Variants in EGFR observed in about 807,000 individuals in gnomAD.
The protein encoded by EGFR is avian erythroblastic leukemia viral (v-erb-b) oncogene homolog.
EGFR carries 58 observed loss-of-function variants against 143.0 expected under a neutral mutation model. The ratio of observed to expected loss-of-function variants is 0.41; its 90% CI spans 0.33 to 0.50. EGFR has a LOEUF of 0.50. Among genes scored for constraint, EGFR ranks in the 20% least tolerant of loss-of-function variants. The pLI, the probability that EGFR is intolerant of heterozygous loss-of-function variation, is 0.39. For missense variants in EGFR, 1,307 were observed against 1,579.0 expected, an observed-to-expected ratio of 0.83 and a Z score of 2.92; for synonymous variants, 613 against 594.4, an observed-to-expected ratio of 1.03 and a Z score of -0.45.
intron 1 of EGFR, among the ~76,000 whole-genome samples, chr7:55,094,771 A>G (rs940037436): frequency 1.1e-4 from 17 of 152,256 alleles, no homozygotes; most frequent in Non-Finnish European, 2.2e-4. Context: ...CTTAATTGAT[A>G]TGGGATTACA....
At chr7:55,077,609 C>G (rs1422704112) in intron 1 of EGFR, among the ~76,000 whole-genome samples, 1 of 152,134 alleles carries the variant, frequency 6.6e-6, no homozygotes, top group Non-Finnish European at 1.5e-5. Context: ...TGTTTACTTC[C>G]AAGTGGAACT....
chr7:55,141,791 T>C (rs1794473970), intron 1 of EGFR, among the ~76,000 whole-genome samples: 1 of 152,192 alleles, frequency 6.6e-6, no homozygotes, highest in Non-Finnish European at 1.5e-5. Flanking sequence ...TCACAATATT[T>C]TTGAGAAGTA....
At chr7:55,048,445 G>C (rs1788302333) in intron 1 of EGFR, among the ~76,000 whole-genome samples, 1 of 152,228 alleles carries the variant, frequency 6.6e-6, no homozygotes, top group South Asian at 2.1e-4. Context: ...TTTACCCTTA[G>C]AGATGCATAC....
chr7:55,073,233 G>A (rs1789936083), intron 1 of EGFR, among the ~76,000 whole-genome samples: 1 of 152,250 alleles, frequency 6.6e-6, no homozygotes, highest in Non-Finnish European at 1.5e-5. Flanking sequence ...ATTGCAGACA[G>A]CATAGTGCAA....
chr7:55,146,571 G>T (rs2128929336), intron 3 of EGFR, 35 bp from the exon 4 acceptor site: 1 of 1,613,554 alleles, frequency 6.2e-7, no homozygotes, highest in Non-Finnish European at 8.5e-7. Context: ...AAAGGAGCTG[G>T]AAAGAGTGCT....
intron 1 of EGFR, among the ~76,000 whole-genome samples, chr7:55,128,277 A>G (rs1276006681): frequency 6.6e-6 from 1 of 152,230 alleles, no homozygotes; most frequent in Non-Finnish European, 1.5e-5. Context: ...ATTGTCCCCA[A>G]GGAGGAGAAA....
chr7:55,067,849 C>T lies in EGFR; in HGVS notation c.88+48484C>T, dbSNP rs1007636180. On this transcript the variant is annotated intron_variant, in intron 1 of 27. Transcript: ENST00000275493. ...ATGTGTGTGTATGTGTGCACGTGTG[C>T]GCCTGTGTGTGTCTGTGTGTCTCTG... Among the ~76,000 whole-genome samples the T allele has an allele frequency of 6.0e-5, 9 of 150,766 alleles. No homozygotes were observed. In the East Asian group the frequency reaches 7.8e-4, roughly 13 times the overall value.
intron 1 of EGFR, among the ~76,000 whole-genome samples, chr7:55,039,023 G>A (rs1195037147): frequency 6.6e-6 from 1 of 151,818 alleles, no homozygotes; most frequent in African/African-American, 2.4e-5. Flanking sequence ...AGAGGTGGAA[G>A]TCTGTGGATG....
chr7:55,171,777 G>A (rs912380859), intron 16 of EGFR, among the ~76,000 whole-genome samples: 2 of 152,168 alleles, frequency 1.3e-5, no homozygotes, highest in African/African-American at 4.8e-5. Flanking sequence ...AGGAAAGAGT[G>A]GTGTTACTCT....
intron 1 of EGFR, among the ~76,000 whole-genome samples, chr7:55,068,390 T>G (rs1211228792): frequency 6.6e-6 from 1 of 152,214 alleles, no homozygotes; most frequent in Non-Finnish European, 1.5e-5. Context: ...TATTTCCTGA[T>G]ATCTTGAGTT....
intron 13 of EGFR, 55 bp from the exon 14 acceptor site, chr7:55,163,678 T>C: frequency 6.7e-7 from 1 of 1,481,888 alleles, no homozygotes; most frequent in Non-Finnish European, 9.4e-7. Flanking sequence ...GTGATTTGTG[T>C]TCCTGCAATA....
At chr7:55,204,089 A>T (rs1022154380) in intron 27 of EGFR, among the ~76,000 whole-genome samples, 1 of 151,772 alleles carries the variant, frequency 6.6e-6, no homozygotes, top group Non-Finnish European at 1.5e-5. Context: ...CAATATTATA[A>T]GCTATTAGAA....
intron 1 of EGFR, among the ~76,000 whole-genome samples, chr7:55,120,742 A>G (rs947915992): frequency 6.6e-6 from 1 of 152,112 alleles, no homozygotes; most frequent in Non-Finnish European, 1.5e-5. Context: ...ATCTCATAAC[A>G]CTGGTTTGGA....
intron 1 of EGFR, among the ~76,000 whole-genome samples, chr7:55,131,069 C>G (rs1793802870): frequency 6.6e-6 from 1 of 152,194 alleles, no homozygotes; most frequent in Non-Finnish European, 1.5e-5. Flanking sequence ...ACTCTCCCCT[C>G]TCACTTCCCT....
At chr7:55,044,602 G>T (rs1000210392) in intron 1 of EGFR, among the ~76,000 whole-genome samples, 5 of 152,202 alleles carry the variant, frequency 3.3e-5, no homozygotes, top group Non-Finnish European at 7.3e-5. Flanking sequence ...CACCTGCGGG[G>T]TGTCCCCTTG....
intron 22 of EGFR, 100 bp from the exon 23 acceptor site, chr7:55,198,617 A>G (rs182547058): frequency 1.3e-6 from 2 of 1,567,562 alleles, no homozygotes. Context: ...GTAGGTTTCT[A>G]AACATCAAGA....
chr7:55,094,390 T>G (rs1028107802), intron 1 of EGFR, among the ~76,000 whole-genome samples: 4 of 152,234 alleles, frequency 2.6e-5, no homozygotes, highest in Admixed American at 6.5e-5. Context: ...TGCAGCCTCC[T>G]GCCACCCACT....
At chr7:55,080,446 A>G (rs1790397955) in intron 1 of EGFR, among the ~76,000 whole-genome samples, 1 of 152,176 alleles carries the variant, frequency 6.6e-6, no homozygotes, top group South Asian at 2.1e-4. Context: ...CCAGGCACCA[A>G]AAGAAAAACA....
chr7:55,095,760 G>A, intron 1 of EGFR, among the ~76,000 whole-genome samples: 1 of 144,894 alleles, frequency 6.9e-6, no homozygotes, highest in African/African-American at 2.6e-5. Flanking sequence ...GCACAGATGG[G>A]CACACACAGA....
Sources: gnomAD v4.1 joint callset for allele counts (sites outside exome capture counted in the v4.1 genomes callset) on GRCh38, gnomAD v4.1.1 for gene constraint, MANE v1.5 for transcripts, NCBI Gene and HGNC (gene_info 2026-07-23, HGNC 2026-07-21) for gene names.